SULT6B1: variants seen among roughly 807,000 people sequenced by gnomAD.
SULT6B1 encodes the protein sulfotransferase family 6B member 1, also known as sulfotransferase 6B1.
A neutral mutation model predicts 37.2 loss-of-function variants in SULT6B1; 44 were observed. The observed-to-expected ratio is 1.18, with a 90% CI of 0.93 to 1.52. The LOEUF is 1.52. Ranked by LOEUF, SULT6B1 falls within the 40% of genes most tolerant of loss-of-function variation. SULT6B1 has a pLI of 0.00. For synonymous variants in SULT6B1, 140 were observed against 126.0 expected, an observed-to-expected ratio of 1.11 and a Z score of -0.74; for missense variants, 450 against 361.0, an observed-to-expected ratio of 1.25 and a Z score of -2.00.
At position 37,171,484 on chromosome 2, in the gene SULT6B1, G is replaced by A. The variant is rs996906436; in HGVS notation, c.731C>T (p.Ala244Val). Residue 244 changes from alanine to valine, a missense_variant, in exon 6 of 7, where the codon GCG becomes GTG. Coordinates refer to ENST00000535679, the MANE Select transcript of SULT6B1 (RefSeq NM_001367551.1). ...SVQSTFQAMRAKSQDTHGAVG... is the reference protein window; with the variant it reads ...SVQSTFQAMRVKSQDTHGAVG... ...AGCACCGTGTGTGTCCTGAGACTTC[G>A]CACGCATGGCTTGGAAGGTGCTCTG... is the stretch of plus-strand genomic sequence containing the variant. The A allele has an allele frequency of 6.2e-7, 1 of 1,614,110 alleles. No homozygotes were observed.
At chr2:37,182,926 A>C (rs1572462904) in intron 3 of SULT6B1, among the ~76,000 whole-genome samples, 1 of 152,314 alleles carries the variant, frequency 6.6e-6, no homozygotes, top group Middle Eastern at 3.4e-3. Flanking sequence ...CCATGCCTGT[A>C]ATCTCACCAC....
At position 37,188,607 on chromosome 2, in the gene SULT6B1, C is replaced by A. The variant is rs114876607; in HGVS notation, c.34G>T (p.Asp12Tyr). 940 of 1,451,700 alleles carry A rather than the reference C, an allele frequency of 6.5e-4. 5 individuals are homozygous for A. In the African/African-American group the frequency reaches 0.012, roughly 18 times the overall value. 89.9% of individuals were successfully genotyped at this position (1,451,700 alleles called of 1,614,324 possible). Residue 12 changes from aspartate to tyrosine, a missense_variant, in exon 1 of 7, where the codon GAC (aspartate) becomes TAC (tyrosine). By Grantham distance (160) the Asp-to-Tyr change is radical. Coordinates refer to ENST00000535679, the MANE Select transcript of SULT6B1 (RefSeq NM_001367551.1). ...ADKSKFIEYI[D>Y]EALEKSKETA... ...TCTTTTGATTTTTCTAAAGCTTCGT[C>A]AATGTATTCAATAAATTTGGATTTA...
chr2:37,186,935 C>T (rs116310912), intron 2 of SULT6B1, among the ~76,000 whole-genome samples: 3,540 of 152,240 alleles, frequency 0.023, 66 homozygotes, highest in Middle Eastern at 0.054. Context: ...ACTGGTGATT[C>T]CTACTACCAT....
chr2:37,180,004 T>C (rs544948071), intron 3 of SULT6B1, among the ~76,000 whole-genome samples: 45 of 152,348 alleles, frequency 3.0e-4, no homozygotes, highest in African/African-American at 1.1e-3. Context: ...GCCCACTCTC[T>C]GGGTATGATG....
intron 3 of SULT6B1, among the ~76,000 whole-genome samples, chr2:37,182,290 G>T (rs372168631): frequency 8.9e-5 from 13 of 146,426 alleles, no homozygotes; most frequent in East Asian, 3.9e-4. Context: ...GTCTCGCTCT[G>T]CCGCCCAGGC....
At position 37,178,637 on chromosome 2, in the gene SULT6B1, C is replaced by T. The variant is rs77901042; in HGVS notation, c.529+821G>A. Among the ~76,000 whole-genome samples the T allele has an allele frequency of 6.8e-3, 1,033 of 152,214 alleles. 7 individuals carry two copies. Among genetic ancestry groups the T allele is most frequent in the African/African-American group, 0.023 (952 of 41,510 alleles). ...AAATTAAAATAATGCATAGACGACC[C>T]CTACTTTAGCACCTGGAGCATTAAT... On this transcript the variant is annotated intron_variant, in intron 4 of 6. Transcript: ENST00000535679.
intron 1 of SULT6B1, among the ~76,000 whole-genome samples, chr2:37,194,163 A>AT (rs1676843692): frequency 6.6e-6 from 1 of 150,810 alleles, no homozygotes; most frequent in Admixed American, 6.6e-5. Flanking sequence ...TCTCATCCAC[A>AT]TTGACTGTCT....
chr2:37,169,860 T>C (rs1315111772), intron 6 of SULT6B1, among the ~76,000 whole-genome samples: 1 of 152,208 alleles, frequency 6.6e-6, no homozygotes, highest in Non-Finnish European at 1.5e-5. Context: ...GATAGATGCC[T>C]GCTGTTAGCT....
rs1231099524 is a variant in SULT6B1 at position 37,179,497 on chromosome 2, A to C, written c.490T>G (p.Ser164Ala). The stretch of plus-strand genomic sequence containing the variant: ...AACTGTCTGAAGAATTCATCCCAAG[A>C]GCCATAGCTTGGAATATCGGGGACA... Reference protein sequence around the residue: ...NDVPDIPSYGSWDEFFRQFMK... With the variant: ...NDVPDIPSYGAWDEFFRQFMK... Residue 164 changes from serine (S) to alanine (A), a missense_variant, in exon 4 of 7, where the codon TCT becomes GCT. Coordinates refer to ENST00000535679, the MANE Select transcript of SULT6B1 (RefSeq NM_001367551.1). 1.2e-6 allele frequency: 2 copies of C among 1,613,836 alleles called. No homozygotes were observed. Among genetic ancestry groups the C allele is most frequent in the Non-Finnish European group, 1.7e-6 (2 of 1,179,894 alleles).
chr2:37,179,406 T>A (rs1676500969), intron 4 of SULT6B1, 52 bp downstream of exon 4: 2 of 1,604,842 alleles, frequency 1.2e-6, no homozygotes, highest in South Asian at 2.2e-5. Context: ...GGTTTTCACA[T>A]TTATGTGGTC....
In SULT6B1 at chr2:37,175,131, C is replaced by A. The variant is rs748859635; in HGVS notation, c.624+1G>T. 2.0e-6 allele frequency: 3 copies of A among 1,528,882 alleles called. No individual in the cohort carries two copies. The highest frequency in any genetic ancestry group is 2.6e-6 in the Non-Finnish European group (3 of 1,132,596). The allele number at this position is 1,528,882 out of a possible 1,614,324, so 94.7% of individuals were successfully genotyped here. A position where few individuals can be genotyped will look rare whatever the true frequency, so the allele number is the denominator to read the frequency against. The stretch of plus-strand genomic sequence containing the variant: ...CTCTAAAATATCAATAATAATCTCA[C>A]CTCTTTCAGGTCTTCATATAATATG... On this transcript the variant is annotated splice_donor_variant, in intron 5 of 6. Transcript: ENST00000535679. LOFTEE classifies it high-confidence loss of function.
upstream of SULT6B1, among the ~76,000 whole-genome samples, chr2:37,193,597 A>AAAG (rs70949740): frequency 0.15 from 17,344 of 113,444 alleles, 1,289 homozygotes; most frequent in South Asian, 0.17. Flanking sequence ...AGAAGAAGAA[A>AAAG]AAGAAGAAGA....
chr2:37,193,191 C>T (rs985567834), upstream of SULT6B1, among the ~76,000 whole-genome samples: 2 of 151,550 alleles, frequency 1.3e-5, no homozygotes, highest in Non-Finnish European at 2.9e-5. Flanking sequence ...TGTGGTGGCT[C>T]ACACCTATAA....
At chr2:37,186,193 T>G (rs1676669467) in intron 2 of SULT6B1, among the ~76,000 whole-genome samples, 1 of 152,202 alleles carries the variant, frequency 6.6e-6, no homozygotes, top group Non-Finnish European at 1.5e-5. Context: ...AGTGGCTTTA[T>G]GTTAGTAGCT....
At chr2:37,185,968 C>T (rs1676665135) in intron 2 of SULT6B1, among the ~76,000 whole-genome samples, 1 of 152,054 alleles carries the variant, frequency 6.6e-6, no homozygotes, top group African/African-American at 2.4e-5. Flanking sequence ...TACAGGTGAC[C>T]CTCCCTGCTC....
intron 4 of SULT6B1, among the ~76,000 whole-genome samples, chr2:37,179,131 T>C (rs574187977): frequency 5.8e-4 from 89 of 152,294 alleles, no homozygotes; most frequent in African/African-American, 1.9e-3. Flanking sequence ...GCTAATTTTT[T>C]GTATTTTTAG....
At chr2:37,191,767 T>A (rs1676785177), upstream of SULT6B1, among the ~76,000 whole-genome samples, 1 of 152,114 alleles carries the variant, frequency 6.6e-6, no homozygotes, top group Non-Finnish European at 1.5e-5. Flanking sequence ...CCCCCACCCT[T>A]CACTGGTGTA....
chr2:37,191,401 C>CTATGTTA (rs1394831132), upstream of SULT6B1: 2 of 152,200 alleles, frequency 1.3e-5, no homozygotes, highest in East Asian at 3.8e-4. Context: ...CCCAGCCTGC[C>CTATGTTA]TATGTTATAG....
intron 2 of SULT6B1, among the ~76,000 whole-genome samples, chr2:37,186,099 C>A (rs13022271): frequency 6.6e-6 from 1 of 152,014 alleles, no homozygotes; most frequent in African/African-American, 2.4e-5. Flanking sequence ...TTCCTTCCAT[C>A]TAGGTTCCAA....
Sources: gnomAD v4.1 joint callset for allele counts (sites outside exome capture counted in the v4.1 genomes callset) on GRCh38, gnomAD v4.1.1 for gene constraint, MANE v1.5 for transcripts, NCBI Gene and HGNC (gene_info 2026-07-23, HGNC 2026-07-21) for gene names.